Variants in ZNF385D observed in about 807,000 individuals in gnomAD.
ZNF385D encodes zinc finger protein 659.
In ZNF385D, 15 loss-of-function variants were observed where a neutral mutation model predicts 35.8. The ratio of observed to expected loss-of-function variants is 0.42; its 90% CI spans 0.28 to 0.64. ZNF385D has a LOEUF of 0.64. Ranked by LOEUF, ZNF385D falls within the 30% of genes least tolerant of loss-of-function variation. The probability of loss-of-function intolerance (pLI) is 0.23; values close to 1 mark genes in which losing one functional copy is unlikely to be tolerated. For synonymous variants in ZNF385D, 212 were observed against 186.8 expected, an observed-to-expected ratio of 1.13 and a Z score of -1.10; for missense variants, 474 against 494.6, an observed-to-expected ratio of 0.96 and a Z score of 0.39.
At chr3:21,700,181 G>A (rs535673457) in intron 1 of ZNF385D, among the ~76,000 whole-genome samples, 3 of 152,084 alleles carry the variant, frequency 2.0e-5, no homozygotes, top group South Asian at 4.2e-4. Context: ...AGAGAATGTC[G>A]GGGCCAGGTT....
chr3:22,203,563 T>G (rs1696949020), intron 2 of ZNF385D, among the ~76,000 whole-genome samples: 1 of 152,070 alleles, frequency 6.6e-6, no homozygotes, highest in Non-Finnish European at 1.5e-5. Context: ...GGATCTGCAG[T>G]TCTAGGCCTT....
intron 4 of ZNF385D, among the ~76,000 whole-genome samples, chr3:21,470,066 A>G (rs532560594): frequency 7.5e-4 from 115 of 152,366 alleles, no homozygotes; most frequent in African/African-American, 2.7e-3. Flanking sequence ...CTTACTGTGT[A>G]TCATATTAGG....
chr3:22,317,575 C>T (rs1703971503), intron 2 of ZNF385D, among the ~76,000 whole-genome samples: 1 of 152,112 alleles, frequency 6.6e-6, no homozygotes, highest in South Asian at 2.1e-4. Flanking sequence ...CTCCATGCTA[C>T]ATTTATTCTC....
intron 2 of ZNF385D, among the ~76,000 whole-genome samples, chr3:22,339,701 C>G (rs1458823813): frequency 6.6e-6 from 1 of 152,196 alleles, no homozygotes; most frequent in African/African-American, 2.4e-5. Flanking sequence ...TTAATGCTCA[C>G]CTGCTTTATG....
Position 22,178,537 on chromosome 3 carries a change from G to A in ZNF385D, c.107-9502C>T, listed in dbSNP as rs533700087. 1.4e-3 allele frequency among the ~76,000 whole-genome samples: 207 copies of A among 152,218 alleles called. 2 individuals carry two copies. The South Asian group carries it at 0.028, about 21-fold the overall frequency. On this transcript the variant is annotated intron_variant, in intron 2 of 5. Transcript: ENST00000494108. Reference sequence around the variant, plus strand: ...TTTTCTCCCATTCTGTAGGTTGCCTGTTCACTCTGATGGTAGTTTCTTTTG... The same window carrying A: ...TTTTCTCCCATTCTGTAGGTTGCCTATTCACTCTGATGGTAGTTTCTTTTG...
chr3:21,995,903 T>A (rs1269931022), intron 3 of ZNF385D, among the ~76,000 whole-genome samples: 1 of 152,060 alleles, frequency 6.6e-6, no homozygotes, highest in Admixed American at 6.5e-5. Flanking sequence ...TTTCCCAGTG[T>A]GCTACATTGT....
intron 2 of ZNF385D, among the ~76,000 whole-genome samples, chr3:22,348,090 G>A (rs950068541): frequency 2.6e-5 from 4 of 151,962 alleles, no homozygotes; most frequent in Admixed American, 2.6e-4. Context: ...TTTTTTAACT[G>A]GTACCTGTCT....
chr3:22,360,114 T>C (rs954714807), intron 2 of ZNF385D, among the ~76,000 whole-genome samples: 4 of 151,976 alleles, frequency 2.6e-5, no homozygotes, highest in African/African-American at 9.7e-5. Flanking sequence ...TGTGATGTTT[T>C]CTTGGAAAGT....
chr3:21,555,381 C>T (rs779597215), intron 3 of ZNF385D, among the ~76,000 whole-genome samples: 1 of 152,156 alleles, frequency 6.6e-6, no homozygotes, highest in South Asian at 2.1e-4. Flanking sequence ...CCTGACCCTT[C>T]GACAGGCCCT....
Position 21,421,423 on chromosome 3 carries a change from GT to G in ZNF385D, c.978del (p.Glu326AspfsTer15). The G allele has an allele frequency of 6.2e-7, 1 of 1,612,928 alleles. No individual in the cohort carries two copies. Among genetic ancestry groups the G allele is most frequent in the Non-Finnish European group, 8.5e-7 (1 of 1,179,278 alleles). On this transcript the variant is annotated frameshift_variant, in exon 8 of 8. Transcript: ENST00000281523. LOFTEE classifies it high-confidence loss of function. Reference protein sequence around the residue: ...PLGVKLVFSKEPSKPLAPRIL... With the variant: ...PLGVKLVFSKXPSKPLAPRIL... The stretch of plus-strand genomic sequence containing the variant: ...ATTCGTGGAGCCAATGGCTTTGAAG[GT>G]TCTTTTGAAAATACTAATTTTACCT...
At chr3:21,888,442 T>C (rs1698666781) in intron 3 of ZNF385D, among the ~76,000 whole-genome samples, 2 of 151,928 alleles carry the variant, frequency 1.3e-5, no homozygotes, top group Non-Finnish European at 1.5e-5. Flanking sequence ...AGAAAGAGAA[T>C]AGTAAAAAGG....
At chr3:22,159,441 G>A (rs1705803457) in intron 3 of ZNF385D, among the ~76,000 whole-genome samples, 1 of 152,130 alleles carries the variant, frequency 6.6e-6, no homozygotes, top group Admixed American at 6.5e-5. Context: ...TTCCAGACAG[G>A]AGTCGGTCTG....
intron 3 of ZNF385D, among the ~76,000 whole-genome samples, chr3:22,047,381 T>C (rs1039216222): frequency 2.6e-5 from 4 of 152,100 alleles, no homozygotes; most frequent in Admixed American, 6.5e-5. Context: ...AAATTATGCA[T>C]TCTTTCACCA....
At chr3:21,510,415 T>G (rs1707114158) in intron 4 of ZNF385D, among the ~76,000 whole-genome samples, 1 of 152,220 alleles carries the variant, frequency 6.6e-6, no homozygotes, top group South Asian at 2.1e-4. Context: ...TTGGAATTTA[T>G]GACAATAAAG....
At chr3:22,202,486 C>CAG (rs1258402898) in intron 2 of ZNF385D, among the ~76,000 whole-genome samples, 1 of 152,018 alleles carries the variant, frequency 6.6e-6, no homozygotes, top group Non-Finnish European at 1.5e-5. Flanking sequence ...TGGATGGAGG[C>CAG]AGAGCAAGAT....
chr3:21,998,857 C>A (rs1434499217), intron 3 of ZNF385D, among the ~76,000 whole-genome samples: 1 of 152,162 alleles, frequency 6.6e-6, no homozygotes, highest in African/African-American at 2.4e-5. Flanking sequence ...TAGACACAGA[C>A]ACACACATGC....
At chr3:22,044,664 T>G (rs1287641548) in intron 3 of ZNF385D, among the ~76,000 whole-genome samples, 1 of 152,078 alleles carries the variant, frequency 6.6e-6, no homozygotes, top group Admixed American at 6.6e-5. Context: ...GGGCACAGAT[T>G]TATCCTTTGC....
intron 1 of ZNF385D, among the ~76,000 whole-genome samples, chr3:21,675,182 C>T (rs2066687646): frequency 6.6e-6 from 1 of 151,946 alleles, no homozygotes; most frequent in Admixed American, 6.6e-5. Flanking sequence ...AATTAAGCTC[C>T]CATTATTGTT....
At chr3:21,759,219 A>G (rs2070491625) in intron 3 of ZNF385D, among the ~76,000 whole-genome samples, 2 of 152,078 alleles carry the variant, frequency 1.3e-5, no homozygotes, top group African/African-American at 2.4e-5. Context: ...GGTTCAGGCA[A>G]TCCTGAGAAG....
Sources: allele counts gnomAD v4.1 joint callset (sites outside exome capture counted in the v4.1 genomes callset), GRCh38; gene constraint gnomAD v4.1.1; transcripts MANE v1.5; gene names NCBI Gene and HGNC (gene_info 2026-07-23, HGNC 2026-07-21).